The following PDE10A variants were observed in gnomAD, a reference collection of about 807,000 sequenced individuals.
The protein encoded by PDE10A is cAMP and cAMP-inhibited cGMP 3',5'-cyclic phosphodiesterase 10A.
PDE10A carries 39 observed loss-of-function variants against 97.7 expected under a neutral mutation model. The observed-to-expected ratio is 0.40, with a 90% confidence interval of 0.31 to 0.52. The LOEUF is 0.52. Ranked by LOEUF, PDE10A falls within the 20% of genes least tolerant of loss-of-function variation. PDE10A has a pLI of 0.56. For missense variants in PDE10A, 731 were observed against 1,047.8 expected, an observed-to-expected ratio of 0.70 and a Z score of 4.17; for synonymous variants, 371 against 376.8, an observed-to-expected ratio of 0.98 and a Z score of 0.18.
chr6:165,441,933 A>G (rs1790498000), intron 5 of PDE10A, among the ~76,000 whole-genome samples: 1 of 152,250 alleles, frequency 6.6e-6, no homozygotes, highest in Middle Eastern at 3.4e-3. Context: ...TTCCTTGAAA[A>G]CTGTTCATTT....
At position 165,342,900 on chromosome 6, in the gene PDE10A, G is replaced by A. The variant is rs191733691; in HGVS notation, c.2895+491C>T. Among the ~76,000 whole-genome samples the A allele has an allele frequency of 2.2e-3, 339 of 152,312 alleles. 1 individual carries two copies. Among genetic ancestry groups the A allele is most frequent in the Non-Finnish European group, 3.6e-3 (245 of 68,020 alleles). ...GTGTTGTTTCAGGAGTATTATGAAT[G>A]AATATTCCACACATTCTGCAGAACA... On this transcript the variant is annotated intron_variant, in intron 19 of 21. Coordinates refer to ENST00000539869, the MANE Select transcript of PDE10A (RefSeq NM_001385079.1).
At chr6:165,644,726 C>A (rs901428164) in intron 1 of PDE10A, among the ~76,000 whole-genome samples, 5 of 152,214 alleles carry the variant, frequency 3.3e-5, no homozygotes, top group African/African-American at 9.6e-5. Context: ...AAATGACTGT[C>A]TTAGAACAGG....
At chr6:165,745,327 G>A (rs1792819406) in intron 1 of PDE10A, among the ~76,000 whole-genome samples, 2 of 152,118 alleles carry the variant, frequency 1.3e-5, no homozygotes, top group African/African-American at 4.8e-5. Context: ...TATCCAGGAT[G>A]TTTTCTAACC....
At chr6:165,847,052 G>T (rs968282365) in intron 1 of PDE10A, among the ~76,000 whole-genome samples, 1 of 152,218 alleles carries the variant, frequency 6.6e-6, no homozygotes, top group Non-Finnish European at 1.5e-5. Context: ...GGCGGCAGGA[G>T]ACTTTGCCAA....
At chr6:165,721,519 C>G (rs774616608) in intron 1 of PDE10A, among the ~76,000 whole-genome samples, 1 of 152,202 alleles carries the variant, frequency 6.6e-6, no homozygotes, top group Admixed American at 6.5e-5. Context: ...GTGCCACTTA[C>G]AGACCGTGAG....
intron 1 of PDE10A, among the ~76,000 whole-genome samples, chr6:165,803,167 T>C (rs1779027097): frequency 1.3e-5 from 2 of 152,196 alleles, no homozygotes; most frequent in South Asian, 4.1e-4. Flanking sequence ...GTGCCTCTGG[T>C]CTTACCAGAT....
chr6:165,505,900 T>A (rs1200547427), intron 2 of PDE10A, among the ~76,000 whole-genome samples: 1 of 152,104 alleles, frequency 6.6e-6, no homozygotes, highest in Non-Finnish European at 1.5e-5. Context: ...AAAATAAAAT[T>A]CTTCAAATAT....
At chr6:165,784,585 TATC>T (rs1778445768) in intron 1 of PDE10A, among the ~76,000 whole-genome samples, 1 of 152,184 alleles carries the variant, frequency 6.6e-6, no homozygotes, top group African/African-American at 2.4e-5. Context: ...ACTCAAAAAT[TATC>T]ATCCAAACAG....
intron 1 of PDE10A, among the ~76,000 whole-genome samples, chr6:165,762,263 A>G (rs1397790107): frequency 1.3e-5 from 2 of 152,194 alleles, no homozygotes; most frequent in Admixed American, 6.5e-5. Flanking sequence ...AGGGAGATGT[A>G]TTTGAGACTG....
At chr6:165,892,096 T>G (rs1781819466) in intron 1 of PDE10A, among the ~76,000 whole-genome samples, 1 of 152,126 alleles carries the variant, frequency 6.6e-6, no homozygotes, top group Admixed American at 6.5e-5. Context: ...AAAAAGTATT[T>G]ATACATGTTC....
At chr6:165,692,353 CAGG>C (rs1156592036) in intron 1 of PDE10A, among the ~76,000 whole-genome samples, 6 of 152,222 alleles carry the variant, frequency 3.9e-5, no homozygotes, top group South Asian at 4.1e-4. Context: ...GTGGGTGAAG[CAGG>C]AGGAGCTGCA....
At chr6:165,393,393 TA>T (rs1785877232) in intron 15 of PDE10A, among the ~76,000 whole-genome samples, 1 of 151,462 alleles carries the variant, frequency 6.6e-6, no homozygotes, top group South Asian at 2.1e-4. Context: ...AGTTATACTA[TA>T]TTTTTATATT....
intron 1 of PDE10A, chr6:165,718,219 A>T (rs1212898359): frequency 6.6e-6 from 1 of 152,128 alleles, no homozygotes; most frequent in Non-Finnish European, 1.5e-5. Flanking sequence ...ATAGTGGTCC[A>T]TTTCAAGTTA....
At chr6:165,889,918 A>G (rs867992958) in intron 1 of PDE10A, among the ~76,000 whole-genome samples, 2 of 5,036 alleles carry the variant, frequency 4.0e-4, no homozygotes, top group Non-Finnish European at 7.7e-4. Context: ...TCCCTCCCTC[A>G]CTCCTCACTC....
intron 18 of PDE10A, among the ~76,000 whole-genome samples, chr6:165,356,648 A>G (rs1367447065): frequency 6.6e-6 from 1 of 152,136 alleles, no homozygotes; most frequent in Non-Finnish European, 1.5e-5. Flanking sequence ...GAAATTTTAT[A>G]ATTTTAATTC....
At chr6:165,742,063 A>G (rs981398096) in intron 1 of PDE10A, among the ~76,000 whole-genome samples, 2 of 152,226 alleles carry the variant, frequency 1.3e-5, no homozygotes, top group Non-Finnish European at 2.9e-5. Flanking sequence ...CTGTTTATCA[A>G]ATGCGTAAGT....
intron 5 of PDE10A, among the ~76,000 whole-genome samples, chr6:165,438,552 T>G (rs1790208154): frequency 6.6e-6 from 1 of 152,234 alleles, no homozygotes; most frequent in African/African-American, 2.4e-5. Context: ...TTTACTTGTA[T>G]ACCACACTGT....
At chr6:165,526,071 T>C (rs1359500202) in intron 2 of PDE10A, among the ~76,000 whole-genome samples, 1 of 152,136 alleles carries the variant, frequency 6.6e-6, no homozygotes, top group Non-Finnish European at 1.5e-5. Context: ...CCCACTATAT[T>C]ACCAACAGTT....
At chr6:165,415,263 A>C (rs1382029678) in intron 12 of PDE10A, among the ~76,000 whole-genome samples, 1 of 152,210 alleles carries the variant, frequency 6.6e-6, no homozygotes, top group Non-Finnish European at 1.5e-5. Flanking sequence ...TATTGACAAT[A>C]TACATTACTA....
Sources: gnomAD v4.1 joint callset for allele counts (sites outside exome capture counted in the v4.1 genomes callset) on GRCh38, gnomAD v4.1.1 for gene constraint, MANE v1.5 for transcripts, NCBI Gene and HGNC (gene_info 2026-07-23, HGNC 2026-07-21) for gene names.